Variants in ACSM5 observed in about 807,000 individuals in gnomAD.
The protein encoded by ACSM5 is acyl-coenzyme A synthetase ACSM5, mitochondrial.
ACSM5 carries 56 observed loss-of-function variants against 71.6 expected under a neutral mutation model. That is an observed-to-expected ratio of 0.78 (90% confidence interval 0.63 to 0.98). The LOEUF (loss-of-function observed/expected upper bound fraction) is 0.98, where lower values mean the gene tolerates loss of function less well. Ranked by LOEUF, ACSM5 falls within the 50% of genes least tolerant of loss-of-function variation. The probability of loss-of-function intolerance (pLI) is 0.00; values close to 1 mark genes in which losing one functional copy is unlikely to be tolerated. For missense variants in ACSM5, 723 were observed against 726.0 expected, an observed-to-expected ratio of 1.00 and a Z score of 0.05; for synonymous variants, 285 against 281.5, an observed-to-expected ratio of 1.01 and a Z score of -0.12.
At chr16:20,429,891 G>A in intron 8 of ACSM5, 90 bp downstream of exon 8, 3 of 1,511,204 alleles carry the variant, frequency 2.0e-6, no homozygotes, top group Non-Finnish European at 2.7e-6. Flanking sequence ...AGCTTCTCAG[G>A]GACCACCCTT....
In ACSM5 at chr16:20,418,183, G is replaced by C; in HGVS notation, c.329G>C (p.Cys110Ser). The C allele has an allele frequency of 1.3e-5, 21 of 1,613,168 alleles. No individual in the cohort carries two copies. The highest frequency in any genetic ancestry group is 1.8e-5 in the Non-Finnish European group (21 of 1,179,880). The change falls in exon 3 of 14, where the codon TGC (cysteine) becomes TCC (serine). Residue 110 changes from cysteine to serine, a missense_variant. Cys to Ser is a moderately radical substitution (Grantham distance 112). Coordinates refer to ENST00000331849, the MANE Select transcript of ACSM5 (RefSeq NM_017888.3). The part of the protein sequence containing the change: ...RKAANVLGGA[C>S]GLQPGDRMML... ...GCAGCCAATGTGCTGGGGGGTGCAT[G>C]CGGCCTGCAGCCTGGGGACAGAATG...
chr16:20,422,230 G>A (rs2141648477), intron 5 of ACSM5, among the ~76,000 whole-genome samples: 1 of 152,164 alleles, frequency 6.6e-6, no homozygotes, highest in African/African-American at 2.4e-5. Flanking sequence ...TCCTGCCTCA[G>A]CCTCCCAGAT....
intron 1 of ACSM5, among the ~76,000 whole-genome samples, chr16:20,410,196 CTTG>C (rs1966844947): frequency 1.3e-5 from 2 of 152,064 alleles, no homozygotes; most frequent in Non-Finnish European, 1.5e-5. Context: ...TATGGTTTTT[CTTG>C]TTGTGCCACG....
intron 5 of ACSM5, among the ~76,000 whole-genome samples, chr16:20,422,756 C>T (rs1027992833): frequency 5.3e-5 from 8 of 152,040 alleles, no homozygotes; most frequent in African/African-American, 1.5e-4. Flanking sequence ...GTAGCTTGCC[C>T]GGGGAGCAGT....
Position 20,437,260 on chromosome 16 carries a change from C to G in ACSM5, c.1437-8C>G. The stretch of plus-strand genomic sequence containing the variant: ...GCCCACTTGGAAGAGTTTGTTTTTC[C>G]CTTCCAGCTACCGGATCGGGCCTGT... On this transcript the variant is annotated splice_region_variant and splice_polypyrimidine_tract_variant and intron_variant, in intron 11 of 13. Transcript: ENST00000331849. 6.2e-7 allele frequency: 1 copy of G among 1,614,140 alleles called. No homozygotes were observed. The highest frequency in any genetic ancestry group is 8.5e-7 in the Non-Finnish European group (1 of 1,180,010).
chr16:20,424,077 GA>G lies in ACSM5; in HGVS notation c.921+13del, dbSNP rs576608695. 5.6e-6 allele frequency: 9 copies of G among 1,613,674 alleles called. No individual in the cohort carries two copies. Among genetic ancestry groups the G allele is most frequent in the Non-Finnish European group, 5.9e-6 (7 of 1,179,912 alleles). On this transcript the variant is annotated intron_variant, in intron 6 of 13. Transcript: ENST00000331849. ...GCCAAAGTTATCCTGAATGTAAGAG[GA>G]AAAACCAACAATACCCCATATGTGT...
At position 20,423,919 on chromosome 16, in the gene ACSM5, G is replaced by A. The variant is rs1356599902; in HGVS notation, c.771G>A (p.Arg257=). The A allele has an allele frequency of 1.9e-6, 3 of 1,613,720 alleles. No individual in the cohort carries two copies. The East Asian group carries it at 6.7e-5, about 36-fold the overall frequency. ...GACGTTCTCTAATTTTTGGCAGACG[G>A]TGGGTGGCCTTGACCGAATCTGACA... is the stretch of plus-strand genomic sequence containing the variant. ...YGLGFVASGR[R]WVALTESDIF... Residue 257 remains arginine, a synonymous_variant, in exon 6 of 14, where the codon CGG becomes CGA. Coordinates refer to ENST00000331849, the MANE Select transcript of ACSM5 (RefSeq NM_017888.3).
intron 4 of ACSM5, 57 bp downstream of exon 4, chr16:20,419,492 C>G: frequency 1.3e-6 from 2 of 1,544,578 alleles, no homozygotes; most frequent in African/African-American, 2.7e-5. Context: ...CTTTAAGCAA[C>G]AAAAGATGAA....
rs1419978975 is a variant in ACSM5 at position 20,440,752 on chromosome 16, T to TG, written c.*329dup. ...TCCATAGGACAGGTTACCATAGACT[T>TG]GGGGCACTTGTGGGTACTCATTTTC... On this transcript the variant is annotated 3_prime_UTR_variant, in exon 14 of 14. Transcript: ENST00000331849. 4 of 217,274 alleles carry TG rather than the reference T, an allele frequency of 1.8e-5. No individual in the cohort carries two copies. Among genetic ancestry groups the TG allele is most frequent in the African/African-American group, 8.9e-5 (4 of 44,948 alleles). 13.5% of individuals were successfully genotyped at this position (217,274 alleles called of 1,614,324 possible).
intron 4 of ACSM5, among the ~76,000 whole-genome samples, chr16:20,420,782 G>A (rs1484208722): frequency 1.3e-5 from 2 of 152,154 alleles, no homozygotes; most frequent in African/African-American, 4.8e-5. Context: ...AAATTTACCA[G>A]GGGACTTCAC....
chr16:20,439,829 A>G lies in ACSM5; in HGVS notation c.1566A>G (p.Pro522=). 6.2e-7 allele frequency: 1 copy of G among 1,607,334 alleles called. No individual in the cohort carries two copies. Among genetic ancestry groups the G allele is most frequent in the Non-Finnish European group, 8.5e-7 (1 of 1,174,362 alleles). Reference sequence around the variant, plus strand: ...TAAAGGCATTTATAGTCCTTACTCCAGCCTACTCCTCTCATGACCCAGAGG... The same window carrying G: ...TAAAGGCATTTATAGTCCTTACTCCGGCCTACTCCTCTCATGACCCAGAGG... ...EVVKAFIVLT[P]AYSSHDPEAL... is the part of the protein sequence containing the mutation. The change falls in exon 13 of 14, where the codon CCA becomes CCG. Residue 522 remains proline (P), a synonymous_variant. Transcript: ENST00000331849.
intron 10 of ACSM5, among the ~76,000 whole-genome samples, chr16:20,436,292 T>C (rs1967198783): frequency 6.9e-6 from 1 of 145,166 alleles, no homozygotes. Context: ...CTTTCCTTTG[T>C]TTCCTACTTG....
At chr16:20,429,192 C>T (rs116492196) in intron 7 of ACSM5, among the ~76,000 whole-genome samples, 13,207 of 151,718 alleles carry the variant, frequency 0.087, 699 homozygotes, top group East Asian at 0.19. Flanking sequence ...TAGTATTTTT[C>T]GGTAGAGACG....
At chr16:20,420,406 GC>G (rs1054522092) in intron 4 of ACSM5, among the ~76,000 whole-genome samples, 1 of 152,190 alleles carries the variant, frequency 6.6e-6, no homozygotes, top group African/African-American at 2.4e-5. Flanking sequence ...TTTGAGACCA[GC>G]CTGACCAGCA....
At chr16:20,412,688 G>A (rs922935761) in intron 2 of ACSM5, among the ~76,000 whole-genome samples, 8 of 152,040 alleles carry the variant, frequency 5.3e-5, no homozygotes, top group South Asian at 2.1e-4. Context: ...AAACAATTAC[G>A]GACAAATGTT....
intron 1 of ACSM5, among the ~76,000 whole-genome samples, chr16:20,410,447 T>G (rs993918973): frequency 2.6e-5 from 4 of 152,136 alleles, no homozygotes; most frequent in African/African-American, 9.7e-5. Context: ...ACACTAAAAC[T>G]GGGCTGGGCA....
rs1292016383 is a variant in ACSM5 at position 20,411,553 on chromosome 16, T to C, written c.69T>C (p.His23=). ...LRNSRAFCGS[H]GKPAPLPVPQ... ...ACTCCAGGGCATTCTGTGGGTCTCA[T>C]GGGAAGCCAGCACCTCTACCTGTTC... The change falls in exon 2 of 14, where the codon CAT becomes CAC. Residue 23 remains histidine, a synonymous_variant. Transcript: ENST00000331849. 8 of 1,614,028 alleles carry C rather than the reference T, an allele frequency of 5.0e-6. No individual in the cohort carries two copies. In the African/African-American group the frequency reaches 8.0e-5, roughly 16 times the overall value.
chr16:20,421,147 C>T, intron 4 of ACSM5, 111 bp from the exon 5 acceptor site: 2 of 1,355,160 alleles, frequency 1.5e-6, no homozygotes, highest in Middle Eastern at 2.2e-4. Flanking sequence ...CAGCACAGCA[C>T]CTCACATGTG....
intron 4 of ACSM5, among the ~76,000 whole-genome samples, chr16:20,420,430 G>T (rs9938538): frequency 5.9e-5 from 9 of 152,208 alleles, no homozygotes; most frequent in Admixed American, 1.3e-4. Flanking sequence ...GAGAAACCCC[G>T]TCTCTACTAA....
Sources: gnomAD v4.1 joint callset for allele counts (sites outside exome capture counted in the v4.1 genomes callset) on GRCh38, gnomAD v4.1.1 for gene constraint, MANE v1.5 for transcripts, NCBI Gene and HGNC (gene_info 2026-07-23, HGNC 2026-07-21) for gene names.